Variants in OLFML2A observed in about 807,000 individuals in gnomAD.
OLFML2A encodes the protein olfactomedin-like protein 2A.
OLFML2A carries 47 observed loss-of-function variants against 60.9 expected under a neutral mutation model. The ratio of observed to expected loss-of-function variants is 0.77; its 90% CI spans 0.61 to 0.98. The LOEUF is 0.98. Ranked by LOEUF, OLFML2A falls within the 50% of genes least tolerant of loss-of-function variation. The pLI is 0.00. For missense variants in OLFML2A, 922 were observed against 879.8 expected (o/e 1.05, Z -0.61); for synonymous variants, 372 against 375.0 (o/e 0.99, Z 0.09).
At chr9:124,795,193 C>A in intron 3 of OLFML2A, 62 bp downstream of exon 3, 1 of 1,028,666 alleles carries the variant, frequency 9.7e-7, no homozygotes, top group South Asian at 1.4e-5. Flanking sequence ...AGGGCACTGT[C>A]CGAAGGGGCC....
In OLFML2A at chr9:124,798,348, G is replaced by A. The variant is rs189808080; in HGVS notation, c.463-937G>A. ...GAAATCCCGTCTCTACTAAAAATAC[G>A]AAAATTAGCCAGGCATGGAGGCACG... On this transcript the variant is annotated intron_variant, in intron 3 of 7. Coordinates refer to ENST00000373580, the MANE Select transcript of OLFML2A (RefSeq NM_182487.4). Among the ~76,000 whole-genome samples the A allele has an allele frequency of 3.4e-3, 517 of 150,820 alleles. 3 individuals are homozygous for A. Among genetic ancestry groups the A allele is most frequent in the African/African-American group, 0.011 (471 of 41,010 alleles).
chr9:124,784,401 A>G (rs1389437172), intron 1 of OLFML2A, among the ~76,000 whole-genome samples: 2 of 151,928 alleles, frequency 1.3e-5, no homozygotes, highest in Non-Finnish European at 2.9e-5. Flanking sequence ...ACAGGGTTTC[A>G]CCATGTTGGC....
chr9:124,789,529 A>C (rs1339766110), intron 2 of OLFML2A, among the ~76,000 whole-genome samples: 2 of 152,144 alleles, frequency 1.3e-5, no homozygotes, highest in Non-Finnish European at 2.9e-5. Flanking sequence ...GAGCTTAGAG[A>C]ATCTGTATCT....
chr9:124,803,680 G>A (rs1279201183), intron 5 of OLFML2A, among the ~76,000 whole-genome samples: 1 of 152,248 alleles, frequency 6.6e-6, no homozygotes, highest in Non-Finnish European at 1.5e-5. Context: ...CTCTAGAATT[G>A]AATCTAGCAA....
chr9:124,792,821 G>A (rs1841593270), intron 2 of OLFML2A, among the ~76,000 whole-genome samples: 1 of 152,078 alleles, frequency 6.6e-6, no homozygotes, highest in African/African-American at 2.4e-5. Flanking sequence ...TCCTTACTAC[G>A]GCCCTATTGT....
At chr9:124,778,703 A>C (rs1262113134) in intron 1 of OLFML2A, among the ~76,000 whole-genome samples, 1 of 152,034 alleles carries the variant, frequency 6.6e-6, no homozygotes, top group Non-Finnish European at 1.5e-5. Flanking sequence ...AGGCTGAAGC[A>C]GGAGAATCGC....
rs1050106934 is a variant in OLFML2A at position 124,777,141 on chromosome 9, G to C, written c.-130G>C. On this transcript the variant is annotated 5_prime_UTR_variant, in exon 1 of 8. Transcript: ENST00000373580. The surrounding 1 kb of genome is among the most constrained non-coding windows in gnomAD (Gnocchi z 6.2). ...CCCCTGGCGGCGCTGGAAGACCCGC[G>C]GGGCTGGCAGCAGGGTGCAGGCGCG... is the stretch of plus-strand genomic sequence containing the variant. 7 of 337,488 alleles carry C rather than the reference G, an allele frequency of 2.1e-5. No individual in the cohort carries two copies. Among genetic ancestry groups the C allele is most frequent in the Admixed American group, 4.9e-5 (1 of 20,222 alleles). The allele number at this position is 337,488 out of a possible 1,614,324, so 20.9% of individuals were successfully genotyped here.
intron 2 of OLFML2A, among the ~76,000 whole-genome samples, chr9:124,794,487 G>T (rs186334609): frequency 1.3e-5 from 2 of 151,150 alleles, no homozygotes; most frequent in African/African-American, 4.9e-5. Flanking sequence ...CGCCTGGCAC[G>T]TGGTAAGGGC....
intron 5 of OLFML2A, among the ~76,000 whole-genome samples, chr9:124,803,438 A>AT (rs947265959): frequency 1.3e-5 from 2 of 150,212 alleles, no homozygotes; most frequent in African/African-American, 4.9e-5. Context: ...AATTTTTTCT[A>AT]TTTTTTAGTA....
At chr9:124,795,898 G>T (rs1276583624) in intron 3 of OLFML2A, among the ~76,000 whole-genome samples, 1 of 152,258 alleles carries the variant, frequency 6.6e-6, no homozygotes, top group African/African-American at 2.4e-5. Context: ...CCTGGTCAGG[G>T]TGAATGTGCT....
intron 2 of OLFML2A, among the ~76,000 whole-genome samples, chr9:124,790,291 T>A (rs1338718460): frequency 6.6e-6 from 1 of 152,098 alleles, no homozygotes; most frequent in Non-Finnish European, 1.5e-5. Flanking sequence ...CATCTCAGCC[T>A]CCTGAGTGGC....
chr9:124,810,531 G>T lies in OLFML2A; in HGVS notation c.*119G>T. 9.7e-7 allele frequency: 1 copy of T among 1,028,524 alleles called. No homozygotes were observed. Among genetic ancestry groups the T allele is most frequent in the Non-Finnish European group, 1.4e-6 (1 of 726,134 alleles). 63.7% of individuals were successfully genotyped at this position (1,028,524 alleles called of 1,614,324 possible). A position where few individuals can be genotyped will look rare whatever the true frequency, so the allele number is the denominator to read the frequency against. On this transcript the variant is annotated 3_prime_UTR_variant, in exon 8 of 8. Coordinates refer to ENST00000373580, the MANE Select transcript of OLFML2A (RefSeq NM_182487.4). ...GGGGCCAGCCCAGGGCTGGGACTGG[G>T]CATGAGGTGGTCACCAGGATTGAGC...
rs1436023861 is a variant in OLFML2A at position 124,788,967 on chromosome 9, CT to C, written c.354+1730del. Among the ~76,000 whole-genome samples, 3 of 152,172 alleles carry C rather than the reference CT, an allele frequency of 2.0e-5. No homozygotes were observed. The East Asian group carries it at 5.8e-4, about 29-fold the overall frequency. ...TTCTTTTTTGAGGCAGGGTCTTGCTCTGTTGCCCAGGCTGGAGTGCAGTCGT... is the reference window on the plus strand; with the variant it reads ...TTCTTTTTTGAGGCAGGGTCTTGCTCGTTGCCCAGGCTGGAGTGCAGTCGT... On this transcript the variant is annotated intron_variant, in intron 2 of 7. Coordinates refer to ENST00000373580, the MANE Select transcript of OLFML2A (RefSeq NM_182487.4).
intron 1 of OLFML2A, among the ~76,000 whole-genome samples, chr9:124,781,619 T>C (rs111723594): frequency 0.033 from 5,074 of 151,974 alleles, 268 homozygotes; most frequent in African/African-American, 0.11. Context: ...CATAGTGAAA[T>C]GCCATCTCTA....
rs769894298 is a variant in OLFML2A, at chr9:124,801,654, G to A, written c.910G>A (p.Ala304Thr). The A allele has an allele frequency of 3.7e-6, 6 of 1,612,910 alleles. No individual in the cohort carries two copies. Among genetic ancestry groups the A allele is most frequent in the Non-Finnish European group, 5.1e-6 (6 of 1,179,412 alleles). ...YKAGKQEVTEAVADNTLQGTS... is the reference protein window; with the variant it reads ...YKAGKQEVTETVADNTLQGTS... ...GGCAGGCAAGCAGGAGGTGACCGAG[G>A]CGGTGGCAGGTGAGTAGGAGGGGAA... is the stretch of plus-strand genomic sequence containing the variant. Residue 304 changes from alanine (A) to threonine (T), a missense_variant, in exon 5 of 8, where the codon GCG becomes ACG. Transcript: ENST00000373580.
chr9:124,779,572 A>T lies in OLFML2A; in HGVS notation c.90+2212A>T, dbSNP rs1301746277. ...TGGGGGGGGGGTGTTTAGCTGTCCC[A>T]GGACAAGCTGGGGCTGGTGGGGTGG... On this transcript the variant is annotated intron_variant, in intron 1 of 7. Transcript: ENST00000373580. This position sits in a 1 kb window ranked among gnomAD's most constrained non-coding sequence, Gnocchi z 4.1. Among the ~76,000 whole-genome samples the T allele has an allele frequency of 6.6e-6, 1 of 151,162 alleles. No individual in the cohort carries two copies. Among genetic ancestry groups the T allele is most frequent in the African/African-American group, 2.4e-5 (1 of 41,058 alleles).
chr9:124,786,505 G>T (rs2131247471), intron 1 of OLFML2A, among the ~76,000 whole-genome samples: 1 of 152,110 alleles, frequency 6.6e-6, no homozygotes, highest in South Asian at 2.1e-4. Context: ...CGGATCACAA[G>T]GTTAGGAGAC....
At position 124,777,500 on chromosome 9, in the gene OLFML2A, A is replaced by C; in HGVS notation, c.90+140A>C. ...TGAGAGACCGAACCTGGGACTTCTC[A>C]GCACTGAAGCCGCAGGGGCAGGGGC... On this transcript the variant is annotated intron_variant, in intron 1 of 7. Transcript: ENST00000373580. The surrounding 1 kb of genome is among the most constrained non-coding windows in gnomAD (Gnocchi z 6.2). The C allele has an allele frequency of 1.5e-5, 14 of 924,994 alleles. No homozygotes were observed. The highest frequency in any genetic ancestry group is 1.1e-4 in the South Asian group (2 of 17,992). 57.3% of individuals were successfully genotyped at this position (924,994 alleles called of 1,614,324 possible).
chr9:124,806,530 A>G (rs1841899563), intron 6 of OLFML2A, among the ~76,000 whole-genome samples: 1 of 150,664 alleles, frequency 6.6e-6, no homozygotes, highest in Non-Finnish European at 1.5e-5. Context: ...CAATCCCCCC[A>G]TCCACTAGTA....
Sources: gnomAD v4.1 joint callset for allele counts (sites outside exome capture counted in the v4.1 genomes callset) on GRCh38, gnomAD v4.1.1 for gene constraint, Gnocchi (gnomAD v3.1) non-coding constraint, MANE v1.5 for transcripts, NCBI Gene and HGNC (gene_info 2026-07-23, HGNC 2026-07-21) for gene names.